RIMS2: variants seen among roughly 807,000 people sequenced by gnomAD.
RIMS2 encodes the protein regulating synaptic membrane exocytosis protein 2.
A neutral mutation model predicts 174.4 loss-of-function variants in RIMS2; 59 were observed. The observed-to-expected ratio is 0.34, with a 90% CI of 0.27 to 0.42. RIMS2 has a LOEUF of 0.42. RIMS2 is among the 10% of genes least tolerant of loss of function. RIMS2 has a pLI of 1.00. For synonymous variants in RIMS2, 606 were observed against 572.5 expected (o/e 1.06, Z -0.84); for missense variants, 1,620 against 1,666.3 (o/e 0.97, Z 0.48).
In RIMS2 at chr8:104,250,058, A is replaced by G. The variant is rs564949803; in HGVS notation, c.3691+470A>G. ...TCTAATTATAAGACTTTTACTTCCT[A>G]TAATCTGAGGAAAGAGAGGCACTAT... On this transcript the variant is annotated intron_variant, in intron 22 of 23. Transcript: ENST00000504942. Among the ~76,000 whole-genome samples the G allele has an allele frequency of 6.2e-4, 95 of 152,356 alleles. 1 individual carries two copies. The highest frequency in any genetic ancestry group is 2.0e-3 in the African/African-American group (85 of 41,592).
intron 4 of RIMS2, among the ~76,000 whole-genome samples, chr8:103,890,210 G>C (rs914218667): frequency 6.6e-6 from 1 of 151,922 alleles, no homozygotes; most frequent in African/African-American, 2.4e-5. Context: ...ATTTGTGTTG[G>C]TTTCACCTCT....
At chr8:104,150,960 C>G (rs565960528) in intron 19 of RIMS2, among the ~76,000 whole-genome samples, 2 of 152,146 alleles carry the variant, frequency 1.3e-5, no homozygotes, top group Admixed American at 6.5e-5. Context: ...TCTCTTGGAG[C>G]TTATATTCTA....
intron 19 of RIMS2, among the ~76,000 whole-genome samples, chr8:104,233,268 A>G (rs2099241131): frequency 6.6e-6 from 1 of 152,122 alleles, no homozygotes; most frequent in Admixed American, 6.6e-5. Flanking sequence ...CGAAATCTAG[A>G]ATCTTTGAGC....
chr8:103,683,281 C>T (rs1186699816), intron 1 of RIMS2, among the ~76,000 whole-genome samples: 2 of 152,102 alleles, frequency 1.3e-5, no homozygotes, highest in Admixed American at 6.6e-5. Context: ...GAAAACTGAA[C>T]GCGAGTGGGC....
At chr8:104,035,574 A>G (rs2096496447) in intron 19 of RIMS2, among the ~76,000 whole-genome samples, 1 of 151,830 alleles carries the variant, frequency 6.6e-6, no homozygotes, top group Admixed American at 6.6e-5. Flanking sequence ...GGAAAAGTAA[A>G]TATTCAATTA....
intron 3 of RIMS2, among the ~76,000 whole-genome samples, chr8:103,805,192 T>A (rs1189534644): frequency 6.6e-6 from 1 of 152,194 alleles, no homozygotes; most frequent in African/African-American, 2.4e-5. Context: ...TCTTGAGTGT[T>A]TTTGTTTAAT....
intron 1 of RIMS2, among the ~76,000 whole-genome samples, chr8:103,687,391 T>A (rs1392219523): frequency 1.3e-5 from 2 of 152,062 alleles, no homozygotes; most frequent in African/African-American, 4.8e-5. Context: ...AATGCTTTTT[T>A]AATTTTTAAA....
intron 3 of RIMS2, chr8:103,768,421 T>A (rs1564567350): frequency 1.3e-6 from 1 of 755,474 alleles, no homozygotes; most frequent in Non-Finnish European, 2.5e-6. Context: ...AATGGAAGGG[T>A]TATGTGGTCC....
chr8:103,518,717 A>G (rs1357738864), intron 1 of RIMS2, among the ~76,000 whole-genome samples: 6 of 152,034 alleles, frequency 3.9e-5, no homozygotes, highest in Non-Finnish European at 8.8e-5. Context: ...TGAGATAGTG[A>G]TAGGGCCTGT....
chr8:103,842,393 T>A (rs1393128200), intron 3 of RIMS2, among the ~76,000 whole-genome samples: 1 of 152,106 alleles, frequency 6.6e-6, no homozygotes, highest in Non-Finnish European at 1.5e-5. Flanking sequence ...TAAATATAAC[T>A]AAAAATAAAT....
intron 3 of RIMS2, among the ~76,000 whole-genome samples, chr8:103,781,738 CTTTTTTTTTTTTTTTT>C (rs11308922): frequency 1.2e-4 from 11 of 88,494 alleles, no homozygotes; most frequent in Non-Finnish European, 2.0e-4. Context: ...CTCCCCTAAT[CTTTTTTTTTTTTTTTT>C]TTTTTTTTTT....
intron 17 of RIMS2, among the ~76,000 whole-genome samples, chr8:104,001,453 A>C (rs1295079667): frequency 3.9e-5 from 6 of 152,030 alleles, no homozygotes; most frequent in Non-Finnish European, 8.8e-5. Context: ...AACACAATGT[A>C]ATAACATGAA....
At chr8:104,196,254 G>A (rs1198844740) in intron 19 of RIMS2, among the ~76,000 whole-genome samples, 1 of 152,018 alleles carries the variant, frequency 6.6e-6, no homozygotes, top group Non-Finnish European at 1.5e-5. Flanking sequence ...ATTCTCTCTT[G>A]TTTTTCCTTT....
intron 1 of RIMS2, among the ~76,000 whole-genome samples, chr8:103,530,457 G>A (rs1158556315): frequency 1.3e-5 from 2 of 152,038 alleles, no homozygotes; most frequent in Non-Finnish European, 2.9e-5. Context: ...AAAATTGACA[G>A]ATTGGATAAA....
intron 4 of RIMS2, 96 bp downstream of exon 7, chr8:103,886,319 A>C: frequency 9.9e-7 from 1 of 1,012,634 alleles, no homozygotes. Context: ...AGGTATTACT[A>C]GTAGCTTTAT....
At chr8:103,654,221 G>A (rs1415184251) in intron 1 of RIMS2, among the ~76,000 whole-genome samples, 1 of 151,874 alleles carries the variant, frequency 6.6e-6, no homozygotes. Flanking sequence ...GCCATATTAT[G>A]TATTAATTAC....
chr8:103,513,452 TG>T (rs1427419680), intron 1 of RIMS2, among the ~76,000 whole-genome samples: 1 of 152,264 alleles, frequency 6.6e-6, no homozygotes, highest in Middle Eastern at 3.4e-3. Flanking sequence ...ACTTTAAAAA[TG>T]TAAAGGTGTA....
At chr8:104,083,485 C>A (rs1195724736) in intron 19 of RIMS2, among the ~76,000 whole-genome samples, 4 of 152,124 alleles carry the variant, frequency 2.6e-5, no homozygotes, top group Non-Finnish European at 4.4e-5. Flanking sequence ...GATAAATATT[C>A]TTTAAACATT....
chr8:103,565,889 A>C (rs1326716563), intron 1 of RIMS2, among the ~76,000 whole-genome samples: 1 of 152,216 alleles, frequency 6.6e-6, no homozygotes, highest in Non-Finnish European at 1.5e-5. Context: ...GTGAAAGTAC[A>C]CACTCAAGGG....
Sources: gnomAD v4.1 joint callset for allele counts (sites outside exome capture counted in the v4.1 genomes callset) on GRCh38, gnomAD v4.1.1 for gene constraint, MANE v1.5 for transcripts, NCBI Gene and HGNC (gene_info 2026-07-23, HGNC 2026-07-21) for gene names.